Variants in EIF3A observed in about 807,000 individuals in gnomAD.
EIF3A encodes eukaryotic translation initiation factor 3 subunit A.
In EIF3A, 21 loss-of-function variants were observed where a neutral mutation model predicts 186.6. The observed-to-expected ratio is 0.11, with a 90% CI of 0.08 to 0.16. The LOEUF (loss-of-function observed/expected upper bound fraction) is 0.16. Among genes scored for constraint, EIF3A ranks in the 10% least tolerant of loss-of-function variants. The pLI is 1.00. For synonymous variants in EIF3A, 563 were observed against 584.3 expected (o/e 0.96, Z 0.52); for missense variants, 1,306 against 1,796.3 (o/e 0.73, Z 4.93).
intron 4 of EIF3A, among the ~76,000 whole-genome samples, chr10:119,072,195 CTAAAAA>C (rs1343801993): frequency 1.2e-5 from 1 of 80,682 alleles, no homozygotes; most frequent in South Asian, 3.4e-4. Flanking sequence ...TTTTTAAAAA[CTAAAAA>C]TAAATTAAAA....
intron 14 of EIF3A, among the ~76,000 whole-genome samples, chr10:119,055,366 C>G (rs1848411343): frequency 6.6e-6 from 1 of 152,022 alleles, no homozygotes; most frequent in Non-Finnish European, 1.5e-5. Flanking sequence ...GTTCGTGGCA[C>G]CCCAAAATAA....
rs767388081 is a variant in EIF3A, at chr10:119,044,162, A to G, written c.2659-20T>C. 1.3e-6 allele frequency: 2 copies of G among 1,526,872 alleles called. No individual in the cohort carries two copies. Among genetic ancestry groups the G allele is most frequent in the Non-Finnish European group, 9.1e-7 (1 of 1,101,156 alleles). The allele number at this position is 1,526,872 out of a possible 1,614,324, so 94.6% of individuals were successfully genotyped here. On this transcript the variant is annotated intron_variant, in intron 17 of 21. Transcript: ENST00000369144. ...AGAGTCCTCCATTGACAAAGTGAAA[A>G]AGAAGCATTACATTGGTAACCATTT...
chr10:119,055,563 GAAT>G (rs1329358822), intron 14 of EIF3A, among the ~76,000 whole-genome samples: 1 of 151,880 alleles, frequency 6.6e-6, no homozygotes, highest in East Asian at 1.9e-4. Context: ...GAAGAAATAA[GAAT>G]AAAAATAATA....
At position 119,063,522 on chromosome 10, in the gene EIF3A, T is replaced by C. The variant is rs80281802; in HGVS notation, c.1122+1877A>G. 3.3e-3 allele frequency among the ~76,000 whole-genome samples: 501 copies of C among 152,366 alleles called. 11 individuals are homozygous for C. The East Asian group carries it at 0.051, about 16-fold the overall frequency. On this transcript the variant is annotated intron_variant, in intron 7 of 21. Transcript: ENST00000369144. ...GCCATTATCTTTTTGATTTCTTTAT[T>C]GCTCTATTCATGAATTAGGGACTGT...
intron 6 of EIF3A, among the ~76,000 whole-genome samples, 154 bp downstream of exon 6, chr10:119,069,292 T>C (rs534208546): frequency 2.6e-5 from 4 of 152,350 alleles, no homozygotes; most frequent in Admixed American, 2.0e-4. Context: ...CTAAACCACC[T>C]GCAGTACACA....
At position 119,056,999 on chromosome 10, in the gene EIF3A, C is replaced by T; in HGVS notation, c.2019G>A (p.Gln673=). The T allele has an allele frequency of 6.2e-7, 1 of 1,612,978 alleles. No individual in the cohort carries two copies. Among genetic ancestry groups the T allele is most frequent in the Non-Finnish European group, 8.5e-7 (1 of 1,179,688 alleles). Residue 673 remains glutamine (Q), a synonymous_variant, in exon 13 of 22, where the codon CAG becomes CAA. Coordinates refer to ENST00000369144, the MANE Select transcript of EIF3A (RefSeq NM_003750.4). Reference sequence around the variant, plus strand: ...TCTTTTCTTTCTCCAGTTGTTCAACCTGTTTAGCCATGATAAAATCTGGAT... The same window carrying T: ...TCTTTTCTTTCTCCAGTTGTTCAACTTGTTTAGCCATGATAAAATCTGGAT... ...ELDPDFIMAK[Q]VEQLEKEKKE...
At position 119,073,919 on chromosome 10, in the gene EIF3A, T is replaced by C; in HGVS notation, c.68A>G (p.Lys23Arg). ...KRANEFLEVG[K>R]KQPALDVLYD... ...AAGAACATCCAGAGCAGGCTGCTTT[T>C]TGCCAACCTCAAGAAATTCTGAAAA... is the stretch of plus-strand genomic sequence containing the variant. Residue 23 changes from lysine to arginine, a missense_variant, in exon 2 of 22, where the codon AAA becomes AGA. Physicochemically the swap from Lys to Arg is conservative, Grantham distance 26. Around this residue, in one of 8 missense-constraint regions of EIF3A, gnomAD observed 130 missense variants for 259.3 expected, o/e 0.50. Coordinates refer to ENST00000369144, the MANE Select transcript of EIF3A (RefSeq NM_003750.4). 6.3e-7 allele frequency: 1 copy of C among 1,597,202 alleles called. No homozygotes were observed. Among genetic ancestry groups the C allele is most frequent in the Non-Finnish European group, 8.5e-7 (1 of 1,173,028 alleles).
At chr10:119,055,951 G>A (rs1401194718) in intron 14 of EIF3A, among the ~76,000 whole-genome samples, 1 of 151,906 alleles carries the variant, frequency 6.6e-6, no homozygotes, top group Non-Finnish European at 1.5e-5. Flanking sequence ...CATGTTAAGA[G>A]AATTATCACA....
At position 119,038,434 on chromosome 10, in the gene EIF3A, A is replaced by G; in HGVS notation, c.3532T>C (p.Trp1178Arg). ...TCTCTGGCTTTTTCTTTCTCTCTCCATCCACCTGTTTTTTTGAAAAAGCAA... is the reference window on the plus strand; with the variant it reads ...TCTCTGGCTTTTTCTTTCTCTCTCCGTCCACCTGTTTTTTTGAAAAAGCAA... ...PWRPLVKPGG[W>R]REKEKAREES... Residue 1178 changes from tryptophan (W) to arginine (R), a missense_variant, in exon 20 of 22, where the codon TGG (tryptophan) becomes CGG (arginine). Trp to Arg is a moderately radical substitution (Grantham distance 101). Around this residue, in one of 8 missense-constraint regions of EIF3A, gnomAD observed 331 missense variants for 365.8 expected, o/e 0.90. Coordinates refer to ENST00000369144, the MANE Select transcript of EIF3A (RefSeq NM_003750.4). 1.2e-6 allele frequency: 2 copies of G among 1,600,112 alleles called. No homozygotes were observed. The highest frequency in any genetic ancestry group is 1.7e-6 in the Non-Finnish European group (2 of 1,175,870).
intron 6 of EIF3A, among the ~76,000 whole-genome samples, chr10:119,065,985 G>A (rs1043210989): frequency 2.0e-5 from 3 of 152,066 alleles, no homozygotes; most frequent in East Asian, 1.9e-4. Flanking sequence ...GCGTAGTGGT[G>A]GGCGCCTGTA....
chr10:119,042,848 A>G lies in EIF3A; in HGVS notation c.2748-76T>C, dbSNP rs938672756. 4.8e-6 allele frequency: 7 copies of G among 1,453,836 alleles called. No homozygotes were observed. The African/African-American group carries it at 8.6e-5, about 18-fold the overall frequency. The allele number at this position is 1,453,836 out of a possible 1,614,324, so 90.1% of individuals were successfully genotyped here. On this transcript the variant is annotated intron_variant, in intron 18 of 21. Transcript: ENST00000369144. This position sits in a 1 kb window ranked among gnomAD's most constrained non-coding sequence, Gnocchi z 7.8. ...ATCCTTTGGGGATTTTTTTTTTCAC[A>G]TGCTTTTTAAAAACTTCAGTATGGG...
intron 14 of EIF3A, among the ~76,000 whole-genome samples, chr10:119,054,650 CT>C (rs1436406255): frequency 4.0e-5 from 6 of 150,282 alleles, no homozygotes; most frequent in Non-Finnish European, 8.9e-5. Context: ...ATCACTTGAA[CT>C]GGGAGGCGGA....
chr10:119,054,769 T>C (rs1003800644), intron 14 of EIF3A, among the ~76,000 whole-genome samples: 2 of 151,878 alleles, frequency 1.3e-5, no homozygotes, highest in African/African-American at 4.8e-5. Flanking sequence ...CACAACTTGA[T>C]TAGTGCAAGA....
intron 1 of EIF3A, among the ~76,000 whole-genome samples, chr10:119,079,503 C>T (rs1179878503): frequency 6.6e-6 from 1 of 151,994 alleles, no homozygotes; most frequent in Admixed American, 6.6e-5. Flanking sequence ...TGGGTAAAAC[C>T]CGAAACTTCT....
chr10:119,064,681 T>C (rs918940277), intron 7 of EIF3A, among the ~76,000 whole-genome samples: 1 of 152,140 alleles, frequency 6.6e-6, no homozygotes, highest in African/African-American at 2.4e-5. Flanking sequence ...CTCTTTTCTT[T>C]ATAAATTACC....
intron 1 of EIF3A, among the ~76,000 whole-genome samples, chr10:119,074,954 G>A (rs1589697414): frequency 7.2e-6 from 1 of 138,420 alleles, no homozygotes; most frequent in South Asian, 2.3e-4. Flanking sequence ...GAAAAAAATG[G>A]AATACAAAGC....
At chr10:119,073,126 A>G (rs1844105569) in intron 3 of EIF3A, 73 bp from the exon 4 acceptor site, 2 of 1,405,360 alleles carry the variant, frequency 1.4e-6, no homozygotes, top group African/African-American at 1.4e-5. Flanking sequence ...AACCAAAACA[A>G]TGTTCATCAG....
intron 17 of EIF3A, among the ~76,000 whole-genome samples, chr10:119,046,660 A>T (rs1317356056): frequency 6.6e-6 from 1 of 152,230 alleles, no homozygotes; most frequent in Non-Finnish European, 1.5e-5. Context: ...TTAAAAACTT[A>T]GGAAAAAATT....
intron 12 of EIF3A, 112 bp downstream of exon 12, chr10:119,057,844 A>AC: frequency 1.2e-6 from 1 of 804,542 alleles, no homozygotes; most frequent in South Asian, 1.7e-5. Flanking sequence ...GACCAGCTGT[A>AC]CCAAAATGCA....
Sources: gnomAD v4.1 joint callset for allele counts (sites outside exome capture counted in the v4.1 genomes callset) on GRCh38, gnomAD v4.1.1 for gene constraint, gnomAD v4.1.1 regional missense constraint, Gnocchi (gnomAD v3.1) non-coding constraint, MANE v1.5 for transcripts, NCBI Gene and HGNC (gene_info 2026-07-23, HGNC 2026-07-21) for gene names.